PRUNE2: variants seen among roughly 807,000 people sequenced by gnomAD.
PRUNE2 encodes the protein protein prune homolog 2.
PRUNE2 carries 164 observed loss-of-function variants against 252.0 expected under a neutral mutation model. That is an observed-to-expected ratio of 0.65 (90% CI 0.57 to 0.74). The LOEUF is 0.74. PRUNE2 is among the 30% of genes least tolerant of loss of function. The pLI, the probability that PRUNE2 is intolerant of heterozygous loss-of-function variation, is 0.00. For synonymous variants in PRUNE2, 1,292 were observed against 1,350.2 expected (o/e 0.96, Z 0.94); for missense variants, 3,495 against 3,711.0 (o/e 0.94, Z 1.51).
chr9:76,845,275 A>G (rs1236284000), intron 4 of PRUNE2, among the ~76,000 whole-genome samples: 1 of 152,236 alleles, frequency 6.6e-6, no homozygotes, highest in Non-Finnish European at 1.5e-5. Flanking sequence ...CTTTTCTACT[A>G]AATAACGCAT....
At chr9:76,820,053 G>A (rs1216635744) in intron 6 of PRUNE2, among the ~76,000 whole-genome samples, 1 of 152,172 alleles carries the variant, frequency 6.6e-6, no homozygotes, top group Non-Finnish European at 1.5e-5. Context: ...TATGTCATGT[G>A]CATTCCCCCA....
intron 9 of PRUNE2, among the ~76,000 whole-genome samples, chr9:76,675,581 C>G (rs1249663103): frequency 5.7e-4 from 60 of 104,556 alleles, no homozygotes; most frequent in Non-Finnish European, 7.3e-4. Context: ...ACCCAAAGGA[C>G]TATAAATCAT....
At chr9:76,773,288 A>C (rs1589140987) in intron 6 of PRUNE2, among the ~76,000 whole-genome samples, 1 of 152,214 alleles carries the variant, frequency 6.6e-6, no homozygotes, top group East Asian at 1.9e-4. Context: ...TCATTGAAGA[A>C]ATAGAAATTT....
Position 76,706,158 on chromosome 9 carries a change from G to A in PRUNE2, c.6116C>T (p.Thr2039Ile). 2 of 1,613,992 alleles carry A rather than the reference G, an allele frequency of 1.2e-6. No individual in the cohort carries two copies. The highest frequency in any genetic ancestry group is 1.7e-5 in the Admixed American group (1 of 60,018). Residue 2039 changes from threonine to isoleucine, a missense_variant, in exon 8 of 19, where the codon ACC becomes ATC. Physicochemically the swap from Thr to Ile is moderately conservative, Grantham distance 89. Transcript: ENST00000376718. ...MKPGSEWDGS[T>I]PSEDSRGTFV... The stretch of plus-strand genomic sequence containing the variant: ...GGTACCTCGGGAGTCCTCACTTGGG[G>A]TAGAGCCATCCCATTCAGAGCCTGG...
intron 9 of PRUNE2, among the ~76,000 whole-genome samples, chr9:76,671,278 C>T (rs530612817): frequency 3.3e-4 from 48 of 146,828 alleles, no homozygotes; most frequent in African/African-American, 1.1e-3. Flanking sequence ...GGAGCCGATG[C>T]GATCAACTGG....
At chr9:76,797,056 T>C (rs1040110809) in intron 6 of PRUNE2, among the ~76,000 whole-genome samples, 1 of 144,330 alleles carries the variant, frequency 6.9e-6, no homozygotes, top group Non-Finnish European at 1.5e-5. Flanking sequence ...CACACAAGCA[T>C]TTAACAGTGT....
At chr9:76,615,664 T>C (rs541432027) in intron 18 of PRUNE2, among the ~76,000 whole-genome samples, 1 of 152,244 alleles carries the variant, frequency 6.6e-6, no homozygotes, top group South Asian at 2.1e-4. Flanking sequence ...AATGAATAAG[T>C]CTAAAGCATT....
intron 6 of PRUNE2, among the ~76,000 whole-genome samples, chr9:76,810,122 C>A (rs1304410871): frequency 2.6e-5 from 4 of 152,206 alleles, no homozygotes; most frequent in Non-Finnish European, 4.4e-5. Context: ...TGCAGAGAAA[C>A]TGAAAACTAG....
At chr9:76,853,395 C>T (rs573728259) in intron 2 of PRUNE2, among the ~76,000 whole-genome samples, 3 of 152,274 alleles carry the variant, frequency 2.0e-5, no homozygotes, top group African/African-American at 7.2e-5. Flanking sequence ...ACACTCATAA[C>T]ATACATTTTT....
intron 18 of PRUNE2, chr9:76,615,145 G>C: frequency 9.1e-6 from 9 of 985,550 alleles, no homozygotes; most frequent in Non-Finnish European, 1.1e-5. Flanking sequence ...TTTTTCAGAA[G>C]GTCAAATGGG....
intron 6 of PRUNE2, among the ~76,000 whole-genome samples, chr9:76,768,650 C>G (rs1165610775): frequency 6.7e-6 from 1 of 148,452 alleles, no homozygotes; most frequent in Non-Finnish European, 1.5e-5. Flanking sequence ...AGATCATCAA[C>G]AATTTTGTCA....
chr9:76,893,065 C>A (rs1036463282), intron 1 of PRUNE2, among the ~76,000 whole-genome samples: 11 of 152,128 alleles, frequency 7.2e-5, no homozygotes, highest in African/African-American at 2.4e-4. Flanking sequence ...CATAATGAGA[C>A]CTTGTCTCTA....
chr9:76,640,831 C>T (rs1031242701), intron 12 of PRUNE2, among the ~76,000 whole-genome samples: 2 of 152,328 alleles, frequency 1.3e-5, no homozygotes, highest in African/African-American at 2.4e-5. Flanking sequence ...AGACAACAGA[C>T]ATAATGAATC....
intron 1 of PRUNE2, among the ~76,000 whole-genome samples, chr9:76,858,687 C>T (rs1024646205): frequency 6.6e-6 from 1 of 151,156 alleles, no homozygotes; most frequent in Non-Finnish European, 1.5e-5. Flanking sequence ...CAGCAAACCA[C>T]CATGGCACGT....
rs116749189 is a variant in PRUNE2 at position 76,649,117 on chromosome 9, T to C, written c.8557+3366A>G. Among the ~76,000 whole-genome samples the C allele has an allele frequency of 8.7e-3, 1,327 of 152,274 alleles. 22 individuals carry two copies. The highest frequency in any genetic ancestry group is 0.03 in the African/African-American group (1,240 of 41,544). On this transcript the variant is annotated intron_variant, in intron 11 of 18. Coordinates refer to ENST00000376718, the MANE Select transcript of PRUNE2 (RefSeq NM_015225.3). ...TCTCCGCTCAGATTTGCTGTGAACC[T>C]AAAGTTGCTCTAAAGAATAAAGTTC...
At chr9:76,621,282 T>C (rs377327054) in intron 17 of PRUNE2, among the ~76,000 whole-genome samples, 425 of 152,304 alleles carry the variant, frequency 2.8e-3, no homozygotes, top group African/African-American at 7.7e-3. Flanking sequence ...GCAGTGATCA[T>C]GTTTATCATA....
intron 10 of PRUNE2, among the ~76,000 whole-genome samples, chr9:76,654,902 G>A (rs1432080590): frequency 2.0e-5 from 3 of 152,178 alleles, no homozygotes; most frequent in Non-Finnish European, 4.4e-5. Context: ...ATGCAAGAGA[G>A]TGACCCTGGA....
chr9:76,794,626 A>G (rs1028602160), intron 6 of PRUNE2, among the ~76,000 whole-genome samples: 11 of 144,092 alleles, frequency 7.6e-5, no homozygotes, highest in East Asian at 2.0e-4. Flanking sequence ...AAAAAAAAAA[A>G]AAAAGAAAAG....
intron 17 of PRUNE2, among the ~76,000 whole-genome samples, chr9:76,624,121 G>C (rs562069368): frequency 6.6e-6 from 1 of 152,258 alleles, no homozygotes; most frequent in East Asian, 1.9e-4. Flanking sequence ...GTGAGGTTCT[G>C]TTGCCTCAAT....
Sources: allele counts gnomAD v4.1 joint callset (sites outside exome capture counted in the v4.1 genomes callset), GRCh38; gene constraint gnomAD v4.1.1; transcripts MANE v1.5; gene names NCBI Gene and HGNC (gene_info 2026-07-23, HGNC 2026-07-21).